Variants in MTMR12 observed in about 807,000 individuals in gnomAD.
The protein encoded by MTMR12 is myotubularin related protein 12.
In MTMR12, 33 loss-of-function variants were observed where a neutral mutation model predicts 96.7. That is an observed-to-expected ratio of 0.34 (90% confidence interval 0.26 to 0.46). MTMR12 has a LOEUF of 0.46. Ranked by LOEUF, MTMR12 falls within the 20% of genes least tolerant of loss-of-function variation. The pLI is 1.00. For missense variants in MTMR12, 721 were observed against 896.1 expected, an observed-to-expected ratio of 0.80 and a Z score of 2.49; for synonymous variants, 298 against 327.2, an observed-to-expected ratio of 0.91 and a Z score of 0.96.
chr5:32,227,309 A>T lies in MTMR12; in HGVS notation c.*2469T>A, dbSNP rs1466921615. ...CTCATTTCAGCTCTCACTGTTAAGC[A>T]TAATCCACATCCCAATCTCAGATAA... On this transcript the variant is annotated 3_prime_UTR_variant, in exon 16 of 16. Transcript: ENST00000382142. 1 of 152,680 alleles carries T rather than the reference A, an allele frequency of 6.5e-6. No homozygotes were observed. The highest frequency in any genetic ancestry group is 1.5e-5 in the Non-Finnish European group (1 of 68,048). 9.5% of individuals were successfully genotyped at this position (152,680 alleles called of 1,614,324 possible). A position where few individuals can be genotyped will look rare whatever the true frequency, so the allele number is the denominator to read the frequency against.
At chr5:32,236,958 T>C (rs184466519) in intron 13 of MTMR12, among the ~76,000 whole-genome samples, 11 of 152,242 alleles carry the variant, frequency 7.2e-5, no homozygotes, top group Admixed American at 2.6e-4. Flanking sequence ...AATTAGTTTC[T>C]TCAAGTCCCT....
At chr5:32,257,944 T>C (rs1749206198) in intron 7 of MTMR12, among the ~76,000 whole-genome samples, 1 of 152,052 alleles carries the variant, frequency 6.6e-6, no homozygotes, top group Non-Finnish European at 1.5e-5. Context: ...AATGTAGATA[T>C]AAGTTTTTTG....
Position 32,256,885 on chromosome 5 carries a change from C to A in MTMR12, c.714-1117G>T, listed in dbSNP as rs539264744. Among the ~76,000 whole-genome samples, 4 of 152,254 alleles carry A rather than the reference C, an allele frequency of 2.6e-5. No homozygotes were observed. The South Asian group carries it at 8.3e-4, about 32-fold the overall frequency. On this transcript the variant is annotated intron_variant, in intron 7 of 15. Transcript: ENST00000382142. ...ACATATTGCAAGAAAAATATGATGG[C>A]TTGAAAATCTATAGATGAAGCAATT...
At chr5:32,269,012 A>T (rs1026434949) in intron 5 of MTMR12, among the ~76,000 whole-genome samples, 6 of 151,770 alleles carry the variant, frequency 4.0e-5, no homozygotes, top group Non-Finnish European at 8.8e-5. Flanking sequence ...TTTCTTTTTT[A>T]AAAATTTTTA....
At position 32,260,186 on chromosome 5, in the gene MTMR12, G is replaced by C. The variant is rs1015605591; in HGVS notation, c.713+2927C>G. Among the ~76,000 whole-genome samples, 5 of 151,612 alleles carry C rather than the reference G, an allele frequency of 3.3e-5. 1 individual carries two copies. The highest frequency in any genetic ancestry group is 2.6e-4 in the Admixed American group (4 of 15,168). On this transcript the variant is annotated intron_variant, in intron 7 of 15. Transcript: ENST00000382142. ...GCAGGGAGGTCAGTATGGCCAGAGGGGTGGGACACAAAGCTGCAGTCAAAC... is the reference window on the plus strand; with the variant it reads ...GCAGGGAGGTCAGTATGGCCAGAGGCGTGGGACACAAAGCTGCAGTCAAAC...
At chr5:32,280,535 G>A (rs536708923) in intron 1 of MTMR12, among the ~76,000 whole-genome samples, 27 of 152,156 alleles carry the variant, frequency 1.8e-4, no homozygotes, top group Non-Finnish European at 3.2e-4. Context: ...TACATATTAG[G>A]TAGGTATCCA....
At chr5:32,276,546 T>C (rs1750056828) in intron 2 of MTMR12, 136 bp downstream of exon 2, 7 of 699,464 alleles carry the variant, frequency 1.0e-5, no homozygotes, top group African/African-American at 1.8e-5. Context: ...CAAACCTTGA[T>C]ATGTTTTTTC....
chr5:32,265,857 A>G (rs533164923), intron 6 of MTMR12, among the ~76,000 whole-genome samples: 48 of 152,352 alleles, frequency 3.2e-4, no homozygotes, highest in African/African-American at 1.1e-3. Context: ...TTAAAATAAG[A>G]AAGCAGAGGT....
chr5:32,263,147 C>T lies in MTMR12; in HGVS notation c.679G>A (p.Val227Met), dbSNP rs747274840. ...ACTTTATAGCCTTCGTTGACACTCA[C>T]TGCTTTGTACTTCATGTTGCCTTTG... ...RTKGNMKYKAVSVNEGYKVCE... is the reference protein window; with the variant it reads ...RTKGNMKYKAMSVNEGYKVCE... Residue 227 changes from valine to methionine, a missense_variant, in exon 7 of 16, where the codon GTG (valine) becomes ATG (methionine). Physicochemically the swap from Val to Met is conservative, Grantham distance 21. Coordinates refer to ENST00000382142, the MANE Select transcript of MTMR12 (RefSeq NM_001040446.3). 3 of 1,614,126 alleles carry T rather than the reference C, an allele frequency of 1.9e-6. No individual in the cohort carries two copies. In the East Asian group the frequency reaches 6.7e-5, roughly 36 times the overall value.
intron 13 of MTMR12, among the ~76,000 whole-genome samples, chr5:32,237,811 C>T (rs1748297999): frequency 6.6e-6 from 1 of 151,838 alleles, no homozygotes; most frequent in South Asian, 2.1e-4. Flanking sequence ...TGCCTGGCCC[C>T]TGTGCTTTAT....
chr5:32,302,354 A>C (rs185619912), intron 1 of MTMR12, among the ~76,000 whole-genome samples: 50 of 152,334 alleles, frequency 3.3e-4, no homozygotes, highest in African/African-American at 1.2e-3. Flanking sequence ...ATTTACTCAT[A>C]TCTTAAATGA....
At position 32,227,946 on chromosome 5, in the gene MTMR12, C is replaced by A. The variant is rs1486107758; in HGVS notation, c.*1832G>T. ...GTGGGGAGAACAGCAAAACAATTCACTGTATGTACAAAAGACAATTCAGTG... is the reference window on the plus strand; with the variant it reads ...GTGGGGAGAACAGCAAAACAATTCAATGTATGTACAAAAGACAATTCAGTG... On this transcript the variant is annotated 3_prime_UTR_variant, in exon 16 of 16. Transcript: ENST00000382142. 6.6e-6 allele frequency: 1 copy of A among 152,632 alleles called. No individual in the cohort carries two copies. Among genetic ancestry groups the A allele is most frequent in the Admixed American group, 6.5e-5 (1 of 15,276 alleles). 9.5% of individuals were successfully genotyped at this position (152,632 alleles called of 1,614,324 possible).
intron 1 of MTMR12, among the ~76,000 whole-genome samples, chr5:32,311,803 G>A (rs1004212430): frequency 1.3e-5 from 2 of 152,118 alleles, no homozygotes; most frequent in Non-Finnish European, 2.9e-5. Context: ...CGACCTTCCC[G>A]GGGGCTGTTC....
In MTMR12 at chr5:32,230,106, C is replaced by G; in HGVS notation, c.1916G>C (p.Trp639Ser). ...AATCCAACGTAGGTAGCGCTGGGCC[C>G]AGACTTTGATTTCGGGCCCCTCGAT... The part of the protein sequence containing the change: ...PHIEGPEIKV[W>S]AQRYLRWIPE... The change falls in exon 16 of 16, where the codon TGG (tryptophan) becomes TCG (serine). Residue 639 changes from tryptophan to serine, a missense_variant. Transcript: ENST00000382142. 1 of 1,612,480 alleles carries G rather than the reference C, an allele frequency of 6.2e-7. No homozygotes were observed. Among genetic ancestry groups the G allele is most frequent in the East Asian group, 2.2e-5 (1 of 44,846 alleles).
chr5:32,310,192 T>C (rs1751519964), intron 1 of MTMR12, among the ~76,000 whole-genome samples: 1 of 152,200 alleles, frequency 6.6e-6, no homozygotes, highest in African/African-American at 2.4e-5. Context: ...GGCATGCACC[T>C]GTAGTCCCAG....
chr5:32,283,760 AAAC>A (rs1164430935), intron 1 of MTMR12, among the ~76,000 whole-genome samples: 3 of 152,186 alleles, frequency 2.0e-5, no homozygotes, highest in Non-Finnish European at 4.4e-5. Flanking sequence ...GCTAAAGGGA[AAAC>A]AACAACAAAA....
chr5:32,269,849 C>T (rs1749765064), intron 5 of MTMR12, among the ~76,000 whole-genome samples: 1 of 152,212 alleles, frequency 6.6e-6, no homozygotes, highest in Non-Finnish European at 1.5e-5. Flanking sequence ...ATCTATCACG[C>T]TGTTTCGTGT....
At chr5:32,263,287 C>T in intron 6 of MTMR12, 45 bp from the exon 7 acceptor site, 1 of 1,607,210 alleles carries the variant, frequency 6.2e-7, no homozygotes, top group Non-Finnish European at 8.5e-7. Context: ...TTCCATGAAG[C>T]ACTGGTGCTT....
chr5:32,280,661 T>C (rs1322415675), intron 1 of MTMR12, among the ~76,000 whole-genome samples: 4 of 152,202 alleles, frequency 2.6e-5, no homozygotes, highest in Admixed American at 2.6e-4. Context: ...TCTCTGTGCA[T>C]GTACTAAAAA....
Sources: gnomAD v4.1 joint callset for allele counts (sites outside exome capture counted in the v4.1 genomes callset) on GRCh38, gnomAD v4.1.1 for gene constraint, MANE v1.5 for transcripts, NCBI Gene and HGNC (gene_info 2026-07-23, HGNC 2026-07-21) for gene names.